The following ZSCAN5A variants were observed in gnomAD, a reference collection of about 807,000 sequenced individuals.
The protein encoded by ZSCAN5A is zinc finger and SCAN domain-containing protein 5A.
A neutral mutation model predicts 23.7 loss-of-function variants in ZSCAN5A; 12 were observed. The ratio of observed to expected loss-of-function variants is 0.51; its 90% CI spans 0.32 to 0.82. The LOEUF is 0.82. Among genes scored for constraint, ZSCAN5A ranks in the 40% least tolerant of loss-of-function variants. The pLI is 0.03. For missense variants in ZSCAN5A, 597 were observed against 617.9 expected, an observed-to-expected ratio of 0.97 and a Z score of 0.36; for synonymous variants, 257 against 239.9, an observed-to-expected ratio of 1.07 and a Z score of -0.66.
At position 56,302,946 on chromosome 19, in the gene ZSCAN5A, G is replaced by C. The variant is rs550502786; in HGVS notation, c.-128+10337C>G. The C allele has an allele frequency of 1.4e-4, 55 of 398,540 alleles. No homozygotes were observed. The South Asian group carries it at 5.2e-3, about 38-fold the overall frequency. 24.7% of individuals were successfully genotyped at this position (398,540 alleles called of 1,614,324 possible). The stretch of plus-strand genomic sequence containing the variant: ...TGTAAGGGAGGCAGACATCCACAGA[G>C]AGAACCAGATCACCGAGTGGTAGCA... On this transcript the variant is annotated intron_variant, in intron 2 of 5. Coordinates refer to ENST00000683990, the MANE Select transcript of ZSCAN5A (RefSeq NM_001322064.3).
chr19:56,247,986 G>T (rs1489111734), intron 2 of ZSCAN5A, among the ~76,000 whole-genome samples: 1 of 152,110 alleles, frequency 6.6e-6, no homozygotes, highest in African/African-American at 2.4e-5. Context: ...CACCGCACCT[G>T]GCCTGTTCTT....
intron 2 of ZSCAN5A, chr19:56,320,339 C>T: frequency 2.7e-6 from 1 of 367,610 alleles, no homozygotes; most frequent in South Asian, 2.3e-5. Context: ...CCAGCCTGAC[C>T]AACATGGAGA....
chr19:56,299,178 C>T (rs1292801548), intron 2 of ZSCAN5A, among the ~76,000 whole-genome samples: 1 of 151,972 alleles, frequency 6.6e-6, no homozygotes, highest in East Asian at 1.9e-4. Context: ...GTTGCCCAGG[C>T]TGGAGTGCAG....
At chr19:56,302,575 TCCTCCCCCTTTTCTTCCTCTC>T (rs2040374832) in intron 2 of ZSCAN5A, among the ~76,000 whole-genome samples, 1 of 53,600 alleles carries the variant, frequency 1.9e-5, no homozygotes, top group Non-Finnish European at 3.0e-5. Context: ...TTCCTTTTCT[TCCTCCCCCTTTTCTTCCTCTC>T]CCTCTTCTTC....
At chr19:56,248,517 C>A (rs1339215508) in intron 2 of ZSCAN5A, among the ~76,000 whole-genome samples, 1 of 152,094 alleles carries the variant, frequency 6.6e-6, no homozygotes, top group African/African-American at 2.4e-5. Context: ...CCTCGGCCCC[C>A]CAAAGTGCTA....
intron 2 of ZSCAN5A, among the ~76,000 whole-genome samples, chr19:56,273,799 G>A (rs750472464): frequency 2.0e-5 from 3 of 152,128 alleles, no homozygotes; most frequent in Non-Finnish European, 2.9e-5. Context: ...AATGTTGGAT[G>A]TTATCCTCAG....
At chr19:56,231,116 G>A (rs972536753) in intron 2 of ZSCAN5A, among the ~76,000 whole-genome samples, 1 of 152,196 alleles carries the variant, frequency 6.6e-6, no homozygotes, top group Admixed American at 6.5e-5. Flanking sequence ...GGGAGTCTGA[G>A]GCAGAAGAAT....
intron 2 of ZSCAN5A, among the ~76,000 whole-genome samples, chr19:56,271,435 C>A (rs1194457959): frequency 6.6e-6 from 1 of 152,232 alleles, no homozygotes; most frequent in Non-Finnish European, 1.5e-5. Flanking sequence ...AAGCCTTCCA[C>A]ATGTTTTACG....
intron 2 of ZSCAN5A, among the ~76,000 whole-genome samples, chr19:56,258,941 C>G (rs1199842161): frequency 6.6e-6 from 1 of 152,160 alleles, no homozygotes; most frequent in African/African-American, 2.4e-5. Flanking sequence ...CCCCACCTAG[C>G]CCACGACACA....
intron 2 of ZSCAN5A, among the ~76,000 whole-genome samples, chr19:56,287,345 T>A (rs2039201790): frequency 6.6e-6 from 1 of 152,352 alleles, no homozygotes; most frequent in Middle Eastern, 3.4e-3. Flanking sequence ...CAGTCCAGCC[T>A]CGAGCACATG....
At chr19:56,301,633 C>G (rs1233148663) in intron 2 of ZSCAN5A, among the ~76,000 whole-genome samples, 1 of 152,114 alleles carries the variant, frequency 6.6e-6, no homozygotes, top group Non-Finnish European at 1.5e-5. Context: ...AGGGCTCAGC[C>G]TCATTTTACC....
intron 3 of ZSCAN5A, among the ~76,000 whole-genome samples, chr19:56,224,142 T>C (rs2033642303): frequency 6.6e-6 from 1 of 151,918 alleles, no homozygotes. Flanking sequence ...AATTGGCCGA[T>C]GGCAGCTCAC....
chr19:56,304,399 G>T (rs1220212742), intron 2 of ZSCAN5A, among the ~76,000 whole-genome samples: 1 of 152,238 alleles, frequency 6.6e-6, no homozygotes, highest in Non-Finnish European at 1.5e-5. Flanking sequence ...GATTGGTTGT[G>T]ACAGCTGGAG....
At chr19:56,278,468 C>T (rs374876228) in intron 2 of ZSCAN5A, among the ~76,000 whole-genome samples, 49 of 152,312 alleles carry the variant, frequency 3.2e-4, no homozygotes, top group African/African-American at 1.1e-3. Context: ...AAATGAAAAT[C>T]TAATCTCACA....
chr19:56,244,430 A>G (rs916639280), intron 2 of ZSCAN5A: 22 of 1,580,094 alleles, frequency 1.4e-5, no homozygotes, highest in Non-Finnish European at 1.9e-5. Context: ...GAAATGGGTG[A>G]GTGGGACCCT....
At chr19:56,243,512 G>A (rs539266653) in intron 2 of ZSCAN5A, among the ~76,000 whole-genome samples, 9 of 152,300 alleles carry the variant, frequency 5.9e-5, no homozygotes, top group Admixed American at 5.9e-4. Flanking sequence ...ACTGTAGGTT[G>A]TAACTATTTT....
intron 2 of ZSCAN5A, chr19:56,321,113 T>C: frequency 1.5e-6 from 1 of 685,606 alleles, no homozygotes; most frequent in Non-Finnish European, 2.8e-6. Context: ...AGGGGACGGA[T>C]ACTGCTCCAC....
intron 2 of ZSCAN5A, among the ~76,000 whole-genome samples, chr19:56,262,688 T>A (rs1318973914): frequency 6.6e-6 from 1 of 152,060 alleles, no homozygotes; most frequent in Non-Finnish European, 1.5e-5. Context: ...CACCACAGCC[T>A]CCCAAAATGC....
chr19:56,301,453 A>G lies in ZSCAN5A; in HGVS notation c.-128+11830T>C, dbSNP rs539758711. On this transcript the variant is annotated intron_variant, in intron 2 of 5. Transcript: ENST00000683990. ...TATAATTAGTATATAATGAGCAGTG[A>G]GGACCACCAGAGGTCACTTGAATCG... Among the ~76,000 whole-genome samples, 6 of 152,072 alleles carry G rather than the reference A, an allele frequency of 3.9e-5. No homozygotes were observed. In the East Asian group the frequency reaches 7.7e-4, roughly 20 times the overall value.
Sources: allele counts gnomAD v4.1 joint callset (sites outside exome capture counted in the v4.1 genomes callset), GRCh38; gene constraint gnomAD v4.1.1; transcripts MANE v1.5; gene names NCBI Gene and HGNC (gene_info 2026-07-23, HGNC 2026-07-21).